Variants in SGCG observed in about 807,000 individuals in gnomAD.
SGCG encodes the protein gamma-sarcoglycan.
In SGCG, 26 loss-of-function variants were observed where a neutral mutation model predicts 29.3. That is an observed-to-expected ratio of 0.89 (90% CI 0.65 to 1.23). The LOEUF is 1.23. Ranked by LOEUF, SGCG falls within the 50% of genes most tolerant of loss-of-function variation. The pLI, the probability that SGCG is intolerant of heterozygous loss-of-function variation, is 0.00. For synonymous variants in SGCG, 145 were observed against 129.7 expected (o/e 1.12, Z -0.80); for missense variants, 353 against 356.0 (o/e 0.99, Z 0.07).
At chr13:23,183,857 G>A (rs1458956133) in intron 1 of SGCG, among the ~76,000 whole-genome samples, 1 of 151,514 alleles carries the variant, frequency 6.6e-6, no homozygotes, top group South Asian at 2.1e-4. Flanking sequence ...TAGTAGAGAC[G>A]GAGTTTCACC....
chr13:23,216,135 C>A (rs1878419503), intron 2 of SGCG, among the ~76,000 whole-genome samples: 1 of 152,140 alleles, frequency 6.6e-6, no homozygotes. Flanking sequence ...ATGCACCCTT[C>A]CAGCTTGACC....
intron 6 of SGCG, among the ~76,000 whole-genome samples, chr13:23,303,444 T>C (rs1882245715): frequency 6.6e-6 from 1 of 152,160 alleles, no homozygotes; most frequent in African/African-American, 2.4e-5. Flanking sequence ...TTGCCCGAGC[T>C]CTCTGCCCAC....
chr13:23,177,874 C>T (rs1393218137), upstream of SGCG, among the ~76,000 whole-genome samples: 7 of 151,860 alleles, frequency 4.6e-5, no homozygotes, highest in East Asian at 1.9e-4. Flanking sequence ...CCACCACGCC[C>T]GGCCTGTGAG....
the SGCG span, among the ~76,000 whole-genome samples, chr13:23,164,824 C>T: frequency 6.6e-5 from 10 of 152,214 alleles, no homozygotes; most frequent in Non-Finnish European, 2.9e-5. Context: ...AGATGACCTC[C>T]CTGCTACTCT....
intron 7 of SGCG, among the ~76,000 whole-genome samples, chr13:23,322,760 A>C (rs879670727): frequency 0.69 from 38,345 of 55,252 alleles, 11,292 homozygotes; most frequent in East Asian, 0.77. Context: ...ACCGCCCCCC[A>C]CCCATCCACC....
chr13:23,188,352 G>T (rs1485330438), intron 1 of SGCG, among the ~76,000 whole-genome samples: 2 of 111,770 alleles, frequency 1.8e-5, no homozygotes, highest in Admixed American at 1.3e-4. Context: ...TGAGATAAGA[G>T]TCTTGCTCTG....
intron 3 of SGCG, among the ~76,000 whole-genome samples, chr13:23,242,102 A>C (rs2137555269): frequency 6.6e-6 from 1 of 152,314 alleles, no homozygotes; most frequent in East Asian, 1.9e-4. Flanking sequence ...CACTGCTATG[A>C]ATCCCACAGA....
chr13:23,319,074 T>C (rs367630651), intron 6 of SGCG, among the ~76,000 whole-genome samples: 25 of 152,028 alleles, frequency 1.6e-4, no homozygotes, highest in African/African-American at 5.5e-4. Flanking sequence ...CCAAGGCGGG[T>C]GGATCCCGAG....
chr13:23,306,766 G>GA (rs1355394024), intron 6 of SGCG, among the ~76,000 whole-genome samples: 2 of 151,928 alleles, frequency 1.3e-5, no homozygotes, highest in Middle Eastern at 3.4e-3. Flanking sequence ...CAAGAAAAAG[G>GA]AAAAAAATAC....
At chr13:23,222,183 T>G (rs1317065932) in intron 2 of SGCG, among the ~76,000 whole-genome samples, 1 of 152,092 alleles carries the variant, frequency 6.6e-6, no homozygotes, top group Non-Finnish European at 1.5e-5. Context: ...TTTGAAGGAG[T>G]ATGCTATATA....
chr13:23,262,614 C>G (rs760172676), intron 4 of SGCG, among the ~76,000 whole-genome samples: 8 of 152,008 alleles, frequency 5.3e-5, no homozygotes, highest in Non-Finnish European at 8.8e-5. Context: ...GGCAGAAAGT[C>G]AACAAAGAAA....
chr13:23,183,677 A>ATT (rs137982825), intron 1 of SGCG, among the ~76,000 whole-genome samples: 2 of 151,002 alleles, frequency 1.3e-5, no homozygotes, highest in African/African-American at 4.9e-5. Flanking sequence ...CTTTATTTTT[A>ATT]TTTTTTTTTG....
chr13:23,290,971 C>G (rs991085384), intron 5 of SGCG, among the ~76,000 whole-genome samples: 2 of 152,138 alleles, frequency 1.3e-5, no homozygotes, highest in African/African-American at 4.8e-5. Flanking sequence ...TTTTCAACTG[C>G]CTTCATGACC....
chr13:23,253,876 A>C (rs1483353294), intron 4 of SGCG, among the ~76,000 whole-genome samples: 1 of 151,648 alleles, frequency 6.6e-6, no homozygotes, highest in South Asian at 2.1e-4. Context: ...TCTTGCTCCT[A>C]CTCTTACCAC....
intron 5 of SGCG, among the ~76,000 whole-genome samples, chr13:23,289,602 T>C (rs566717625): frequency 1.3e-5 from 2 of 149,246 alleles, no homozygotes; most frequent in South Asian, 4.4e-4. Context: ...GTTTATAACA[T>C]AATTTATTTT....
intron 3 of SGCG, chr13:23,247,044 GT>G: frequency 6.2e-6 from 1 of 162,276 alleles, no homozygotes. Flanking sequence ...CCCTCACTAG[GT>G]TTCCAAAAGC....
In SGCG at chr13:23,257,311, G is replaced by T. The variant is rs541740745; in HGVS notation, c.385+6594G>T. Among the ~76,000 whole-genome samples, 5 of 152,200 alleles carry T rather than the reference G, an allele frequency of 3.3e-5. No homozygotes were observed. The South Asian group carries it at 1.0e-3, about 32-fold the overall frequency. ...TTTCTAGGGTACACATGCAAAACAT[G>T]CAAGTTTGTTATGTATGTATACACG... is the stretch of plus-strand genomic sequence containing the variant. On this transcript the variant is annotated intron_variant, in intron 4 of 7. Coordinates refer to ENST00000218867, the MANE Select transcript of SGCG (RefSeq NM_000231.3).
chr13:23,186,355 C>T (rs1482974101), intron 1 of SGCG, among the ~76,000 whole-genome samples: 1 of 152,206 alleles, frequency 6.6e-6, no homozygotes, highest in Non-Finnish European at 1.5e-5. Context: ...CAGAATGGTG[C>T]ATCGTGTCCT....
chr13:23,228,735 C>A (rs1878994911), intron 2 of SGCG, among the ~76,000 whole-genome samples: 1 of 152,152 alleles, frequency 6.6e-6, no homozygotes, highest in Admixed American at 6.6e-5. Flanking sequence ...TCTTCTGTTC[C>A]TGTGTTAGTA....
Sources: gnomAD v4.1 joint callset for allele counts (sites outside exome capture counted in the v4.1 genomes callset) on GRCh38, gnomAD v4.1.1 for gene constraint, MANE v1.5 for transcripts, NCBI Gene and HGNC (gene_info 2026-07-23, HGNC 2026-07-21) for gene names.